The following P2RX1 variants were observed in gnomAD, a reference collection of about 807,000 sequenced individuals.
P2RX1 encodes P2X purinoceptor 1.
Under a neutral mutation model 50.3 loss-of-function variants are expected in P2RX1, and 42 were observed. That is an observed-to-expected ratio of 0.83 (90% CI 0.65 to 1.08). The LOEUF is 1.08. P2RX1 is among the 50% of genes least tolerant of loss of function. The pLI is 0.00. For missense variants in P2RX1, 449 were observed against 529.0 expected, an observed-to-expected ratio of 0.85 and a Z score of 1.48; for synonymous variants, 199 against 202.6, an observed-to-expected ratio of 0.98 and a Z score of 0.15.
At chr17:3,904,525 C>T in intron 3 of P2RX1, 126 bp from the exon 4 acceptor site, 2 of 824,402 alleles carry the variant, frequency 2.4e-6, no homozygotes, top group Non-Finnish European at 4.0e-6. Context: ...TGGAGTGACG[C>T]CTGCTCACAG....
chr17:3,900,552 T>C (rs1296026966), intron 7 of P2RX1, among the ~76,000 whole-genome samples: 1 of 152,198 alleles, frequency 6.6e-6, no homozygotes, highest in Non-Finnish European at 1.5e-5. Context: ...CTCACTGGCC[T>C]TCCCTCCCAT....
chr17:3,903,734 G>T lies in P2RX1; in HGVS notation c.525-103C>A, dbSNP rs1251157589. On this transcript the variant is annotated intron_variant, in intron 5 of 11. Coordinates refer to ENST00000225538, the MANE Select transcript of P2RX1 (RefSeq NM_002558.4). This position sits in a 1 kb window ranked among gnomAD's most constrained non-coding sequence, Gnocchi z 4.6. The stretch of plus-strand genomic sequence containing the variant: ...GGGGTGGGCCGAGCCTCCGGGACCC[G>T]CCTGCAGCCCTGGGCTGGTGGAGGG... 1.5e-6 allele frequency: 2 copies of T among 1,312,552 alleles called. No homozygotes were observed. Among genetic ancestry groups the T allele is most frequent in the Non-Finnish European group, 2.2e-6 (2 of 914,468 alleles). 81.3% of individuals were successfully genotyped at this position (1,312,552 alleles called of 1,614,324 possible).
intron 1 of P2RX1, among the ~76,000 whole-genome samples, chr17:3,909,023 A>G (rs1319724377): frequency 6.6e-6 from 1 of 151,780 alleles, no homozygotes; most frequent in Non-Finnish European, 1.5e-5. Flanking sequence ...TGTTTGGGGG[A>G]AGCTTCTATG....
chr17:3,915,313 C>T (rs990661028), intron 1 of P2RX1: 1 of 382,930 alleles, frequency 2.6e-6, no homozygotes, highest in African/African-American at 2.1e-5. Flanking sequence ...TAAGGGTACC[C>T]ACATGTGGGC....
At position 3,904,646 on chromosome 17, in the gene P2RX1, G is replaced by A. The variant is rs115134052; in HGVS notation, c.357+212C>T. The stretch of plus-strand genomic sequence containing the variant: ...GCGGTGGGGGTGGGCACGAAGTCTC[G>A]GCACCCTGCCTGGTACACCGTGTGC... On this transcript the variant is annotated intron_variant, in intron 3 of 11. Coordinates refer to ENST00000225538, the MANE Select transcript of P2RX1 (RefSeq NM_002558.4). 755 of 626,872 alleles carry A rather than the reference G, an allele frequency of 1.2e-3. 5 individuals carry two copies. The African/African-American group carries it at 0.012, about 10-fold the overall frequency. 38.8% of individuals were successfully genotyped at this position (626,872 alleles called of 1,614,324 possible).
At chr17:3,897,935 C>T in intron 11 of P2RX1, 56 bp from the exon 12 acceptor site, 1 of 1,607,554 alleles carries the variant, frequency 6.2e-7, no homozygotes, top group East Asian at 2.2e-5. Context: ...GAAGCAGCTG[C>T]CCACGCCCCC....
chr17:3,900,901 T>C (rs954946840), intron 7 of P2RX1, among the ~76,000 whole-genome samples: 29 of 152,062 alleles, frequency 1.9e-4, no homozygotes, highest in Non-Finnish European at 2.4e-4. Context: ...GAAGAAAACA[T>C]TGGAGAAAGC....
chr17:3,904,213 G>C lies in P2RX1; in HGVS notation c.427+117C>G, dbSNP rs1176002435. The C allele has an allele frequency of 3.5e-6, 4 of 1,156,194 alleles. No individual in the cohort carries two copies. In the African/African-American group the frequency reaches 4.5e-5, roughly 13 times the overall value. The allele number at this position is 1,156,194 out of a possible 1,614,324, so 71.6% of individuals were successfully genotyped here. ...AGACGGCAGGAGGGAGTCCCTCCCG[G>C]AGGCCGCCTCGGCGGGAGGGGTGTG... On this transcript the variant is annotated intron_variant, in intron 4 of 11. Coordinates refer to ENST00000225538, the MANE Select transcript of P2RX1 (RefSeq NM_002558.4).
In P2RX1 at chr17:3,897,476, G is replaced by C; in HGVS notation, c.*338C>G. ...TGCCACATCGGAGAGCACAGATCTA[G>C]AGAAATGGAGGCAGCGGGTTGGATA... On this transcript the variant is annotated 3_prime_UTR_variant, in exon 12 of 12. Transcript: ENST00000225538. 2.2e-6 allele frequency: 1 copy of C among 450,838 alleles called. No homozygotes were observed. Among genetic ancestry groups the C allele is most frequent in the Non-Finnish European group, 4.1e-6 (1 of 243,106 alleles). The allele number at this position is 450,838 out of a possible 1,614,324, so 27.9% of individuals were successfully genotyped here. A position where few individuals can be genotyped will look rare whatever the true frequency, so the allele number is the denominator to read the frequency against.
At chr17:3,913,956 G>A (rs1431285240) in intron 1 of P2RX1, among the ~76,000 whole-genome samples, 1 of 152,226 alleles carries the variant, frequency 6.6e-6, no homozygotes, top group Non-Finnish European at 1.5e-5. Context: ...TCAGGGGTTC[G>A]GTTTGCCGCT....
Position 3,898,541 on chromosome 17 carries a change from C to T in P2RX1, c.975G>A (p.Lys325=), listed in dbSNP as rs1406008458. ...FDILVDGKAG[K]FDIIPTMTTI... The stretch of plus-strand genomic sequence containing the variant: ...TGGTCATTGTAGGGATGATGTCAAA[C>T]TTCCCGGCCTGGTGGCAGGACCCAG... Residue 325 remains lysine, a synonymous_variant, in exon 10 of 12, where the codon AAG becomes AAA. Transcript: ENST00000225538. The T allele has an allele frequency of 6.2e-7, 1 of 1,613,882 alleles. No individual in the cohort carries two copies. Among genetic ancestry groups the T allele is most frequent in the South Asian group, 1.1e-5 (1 of 91,070 alleles).
In P2RX1 at chr17:3,898,099, G is replaced by C; in HGVS notation, c.1044C>G (p.Leu348=). 1 of 1,613,548 alleles carries C rather than the reference G, an allele frequency of 6.2e-7. No homozygotes were observed. Among genetic ancestry groups the C allele is most frequent in the Admixed American group, 1.7e-5 (1 of 59,956 alleles). Residue 348 remains leucine (L), a synonymous_variant, in exon 11 of 12, where the codon CTC becomes CTG. Transcript: ENST00000225538. ...GGATGTGAAGCAGCAGCAGGTCACA[G>C]AGAACTGTGGCCTGGGGTCAGGGAA... ...GIGIFGVATV[L]CDLLLLHILP... is the part of the protein sequence containing the mutation.
chr17:3,900,645 C>G (rs1392760448), intron 7 of P2RX1, among the ~76,000 whole-genome samples: 1 of 152,092 alleles, frequency 6.6e-6, no homozygotes, highest in Non-Finnish European at 1.5e-5. Context: ...CCAGATACGT[C>G]CTTGTTATTC....
intron 1 of P2RX1, among the ~76,000 whole-genome samples, chr17:3,913,950 G>T (rs977643594): frequency 6.6e-6 from 1 of 152,256 alleles, no homozygotes; most frequent in Non-Finnish European, 1.5e-5. Flanking sequence ...GCTGGGTCAG[G>T]GGTTCGGTTT....
In P2RX1 at chr17:3,905,509, C is replaced by A; in HGVS notation, c.138-142G>T. On this transcript the variant is annotated intron_variant, in intron 1 of 11. Transcript: ENST00000225538. ...TGTCTTGGGCTAGAGGCAGGACAGCCTCCCCTGCCTCCCGCTGCTGGCCTG... is the reference window on the plus strand; with the variant it reads ...TGTCTTGGGCTAGAGGCAGGACAGCATCCCCTGCCTCCCGCTGCTGGCCTG... 4 of 853,136 alleles carry A rather than the reference C, an allele frequency of 4.7e-6. No individual in the cohort carries two copies. The South Asian group carries it at 5.0e-5, about 11-fold the overall frequency. The allele number at this position is 853,136 out of a possible 1,614,324, so 52.8% of individuals were successfully genotyped here. A position where few individuals can be genotyped will look rare whatever the true frequency, so the allele number is the denominator to read the frequency against.
In P2RX1 at chr17:3,905,212, C is replaced by T; in HGVS notation, c.285+8G>A. The stretch of plus-strand genomic sequence containing the variant: ...GTGAGGGGAAGGTGCAAACCTGAGC[C>T]AGCTCACCTGGGCTGGGAAGACGTA... On this transcript the variant is annotated splice_region_variant and intron_variant, in intron 2 of 11. Coordinates refer to ENST00000225538, the MANE Select transcript of P2RX1 (RefSeq NM_002558.4). The T allele has an allele frequency of 6.2e-7, 1 of 1,612,126 alleles. No individual in the cohort carries two copies. Among genetic ancestry groups the T allele is most frequent in the Non-Finnish European group, 8.5e-7 (1 of 1,179,550 alleles).
rs536413294 is a variant in P2RX1 at position 3,904,885 on chromosome 17, C to T, written c.330G>A (p.Pro110=). Residue 110 remains proline (P), a synonymous_variant, in exon 3 of 12, where the codon CCG becomes CCA. Transcript: ENST00000225538. ...FVVMTNFIVT[P]KQTQGYCAEH... ...CTGCGCAGTAGCCTTGAGTCTGCTT[C>T]GGGGTCACGATGAAATTGGTCATGA... The T allele has an allele frequency of 1.3e-5, 17 of 1,349,316 alleles. No homozygotes were observed. Among genetic ancestry groups the T allele is most frequent in the South Asian group, 4.7e-5 (4 of 84,450 alleles). 83.6% of individuals were successfully genotyped at this position (1,349,316 alleles called of 1,614,324 possible). A position where few individuals can be genotyped will look rare whatever the true frequency, so the allele number is the denominator to read the frequency against.
At chr17:3,901,250 G>A (rs1193617171) in intron 7 of P2RX1, among the ~76,000 whole-genome samples, 1 of 152,176 alleles carries the variant, frequency 6.6e-6, no homozygotes, top group Non-Finnish European at 1.5e-5. Flanking sequence ...TATATTTTTA[G>A]TAGAGACGGG....
rs775088924 is a variant in P2RX1, at chr17:3,904,948, G to A, written c.286-19C>T. 39 of 1,349,486 alleles carry A rather than the reference G, an allele frequency of 2.9e-5. No homozygotes were observed. Among genetic ancestry groups the A allele is most frequent in the East Asian group, 2.3e-4 (10 of 42,728 alleles). The allele number at this position is 1,349,486 out of a possible 1,614,324, so 83.6% of individuals were successfully genotyped here. On this transcript the variant is annotated intron_variant, in intron 2 of 11. Coordinates refer to ENST00000225538, the MANE Select transcript of P2RX1 (RefSeq NM_002558.4). ...TGTCCCCCTAGAAGTGAGGGGCAGG[G>A]GGAGGGTGGGGTGGGCTGGGAGCTG...
Sources: allele counts gnomAD v4.1 joint callset (sites outside exome capture counted in the v4.1 genomes callset), GRCh38; gene constraint gnomAD v4.1.1; non-coding constraint Gnocchi (gnomAD v3.1); transcripts MANE v1.5; gene names NCBI Gene and HGNC (gene_info 2026-07-23, HGNC 2026-07-21).